Variants in SLC15A5 observed in about 807,000 individuals in gnomAD.
SLC15A5 encodes the protein solute carrier family 15 member 5, also known as Peptide/histidine transporter ENSP00000340402.
A neutral mutation model predicts 56.1 loss-of-function variants in SLC15A5; 58 were observed. The ratio of observed to expected loss-of-function variants is 1.03; its 90% CI spans 0.84 to 1.29. The LOEUF (loss-of-function observed/expected upper bound fraction) is 1.29. Among genes scored for constraint, SLC15A5 ranks in the 50% most tolerant of loss-of-function variants. The probability of loss-of-function intolerance (pLI) is 0.00; values close to 1 mark genes in which losing one functional copy is unlikely to be tolerated. For missense variants in SLC15A5, 681 were observed against 672.1 expected (o/e 1.01, Z -0.15); for synonymous variants, 264 against 250.5 (o/e 1.05, Z -0.51).
At chr12:16,223,093 T>G (rs1215929293) in intron 6 of SLC15A5, among the ~76,000 whole-genome samples, 1 of 152,166 alleles carries the variant, frequency 6.6e-6, no homozygotes, top group African/African-American at 2.4e-5. Flanking sequence ...TTTTCATTAT[T>G]TAATGAATTG....
intron 7 of SLC15A5, among the ~76,000 whole-genome samples, chr12:16,207,802 C>T (rs150401644): frequency 1.5e-4 from 23 of 152,046 alleles, no homozygotes; most frequent in Middle Eastern, 3.4e-3. Flanking sequence ...TACAGGTGCA[C>T]GCCACCACTC....
At chr12:16,194,278 A>G in intron 8 of SLC15A5, 67 bp downstream of exon 8, 1 of 958,130 alleles carries the variant, frequency 1.0e-6, no homozygotes, top group Non-Finnish European at 1.6e-6. Context: ...TCCCTGGCTC[A>G]GTGATGGTTC....
At chr12:16,213,954 A>C (rs1372174196) in intron 7 of SLC15A5, among the ~76,000 whole-genome samples, 1 of 152,174 alleles carries the variant, frequency 6.6e-6, no homozygotes, top group African/African-American at 2.4e-5. Context: ...TTGCAAAAGT[A>C]ACAAATGTCT....
At chr12:16,251,715 G>T (rs1432760349) in intron 3 of SLC15A5, among the ~76,000 whole-genome samples, 1 of 151,870 alleles carries the variant, frequency 6.6e-6, no homozygotes, top group Non-Finnish European at 1.5e-5. Context: ...GGACCAGATG[G>T]ATCCACTGGA....
At chr12:16,239,597 G>T (rs1446132872) in intron 5 of SLC15A5, 84 bp downstream of exon 5, 2 of 1,304,524 alleles carry the variant, frequency 1.5e-6, no homozygotes, top group Non-Finnish European at 2.1e-6. Context: ...CTACTCAGGA[G>T]CATATAGCTA....
chr12:16,248,416 G>T (rs1334804908), intron 3 of SLC15A5, among the ~76,000 whole-genome samples: 1 of 152,084 alleles, frequency 6.6e-6, no homozygotes, highest in African/African-American at 2.4e-5. Flanking sequence ...CAGGAGAAAG[G>T]TTGGTTAAGG....
At position 16,232,542 on chromosome 12, in the gene SLC15A5, T is replaced by G. The variant is rs575815266; in HGVS notation, c.1162+7139A>C. On this transcript the variant is annotated intron_variant, in intron 5 of 8. Transcript: ENST00000344941. ...TTTACCAAAGTACAATAAGATGAAA[T>G]TTTAGAACACCATGGAAAGAGAGAA... Among the ~76,000 whole-genome samples, 11 of 152,158 alleles carry G rather than the reference T, an allele frequency of 7.2e-5. No homozygotes were observed. In the South Asian group the frequency reaches 2.3e-3, roughly 32 times the overall value.
intron 4 of SLC15A5, 49 bp from the exon 5 acceptor site, chr12:16,239,916 T>C: frequency 2.0e-6 from 3 of 1,479,508 alleles, no homozygotes; most frequent in Non-Finnish European, 2.7e-6. Flanking sequence ...GGTTTAACTT[T>C]GAAGAAAGCA....
chr12:16,256,618 G>C (rs1469529466), intron 3 of SLC15A5, among the ~76,000 whole-genome samples: 3 of 152,152 alleles, frequency 2.0e-5, no homozygotes, highest in Non-Finnish European at 4.4e-5. Flanking sequence ...CCAGCACTTT[G>C]GGAGGCTGAG....
At chr12:16,252,682 A>T (rs1589978) in intron 3 of SLC15A5, among the ~76,000 whole-genome samples, 143,225 of 152,162 alleles carry the variant, frequency 0.94, 67,526 homozygotes, top group East Asian at 0.99. Context: ...AGATATCCTG[A>T]GCTTGTGAAT....
Position 16,237,022 on chromosome 12 carries a change from T to C in SLC15A5, c.1162+2659A>G, listed in dbSNP as rs571868241. Among the ~76,000 whole-genome samples, 26 of 152,330 alleles carry C rather than the reference T, an allele frequency of 1.7e-4. No individual in the cohort carries two copies. In the South Asian group the frequency reaches 2.5e-3, roughly 15 times the overall value. On this transcript the variant is annotated intron_variant, in intron 5 of 8. Coordinates refer to ENST00000344941, the MANE Select transcript of SLC15A5 (RefSeq NM_001170798.1). This position sits in a 1 kb window ranked among gnomAD's most constrained non-coding sequence, Gnocchi z 4.1. ...TGGTTTATCATGAGATTAAATGTAA[T>C]ATGTGTATGAAGGTTCCTAAATTCA...
At chr12:16,194,158 T>G (rs1242743715) in intron 8 of SLC15A5, among the ~76,000 whole-genome samples, 187 bp downstream of exon 8, 1 of 152,058 alleles carries the variant, frequency 6.6e-6, no homozygotes, top group Non-Finnish European at 1.5e-5. Flanking sequence ...AGTACTATTT[T>G]ATTATAAGGA....
chr12:16,214,577 G>A (rs946930889), intron 7 of SLC15A5, among the ~76,000 whole-genome samples: 1 of 152,128 alleles, frequency 6.6e-6, no homozygotes, highest in Non-Finnish European at 1.5e-5. Context: ...TGCCTATGTG[G>A]TAAAGTCTCA....
intron 2 of SLC15A5, among the ~76,000 whole-genome samples, chr12:16,258,880 C>G (rs1007445478): frequency 1.3e-5 from 2 of 151,840 alleles, no homozygotes; most frequent in African/African-American, 4.8e-5. Flanking sequence ...TTCCCATATT[C>G]TATTGGTTAG....
intron 7 of SLC15A5, among the ~76,000 whole-genome samples, chr12:16,201,613 T>G (rs1400483626): frequency 1.3e-5 from 2 of 152,014 alleles, no homozygotes; most frequent in Non-Finnish European, 2.9e-5. Flanking sequence ...CTCATGATAG[T>G]GAGTGAGTTA....
chr12:16,211,314 G>A (rs10744104), intron 7 of SLC15A5, among the ~76,000 whole-genome samples: 82,259 of 152,076 alleles, frequency 0.54, 22,565 homozygotes, highest in South Asian at 0.73. Context: ...CGACATAACT[G>A]TCAGTGGCCT....
chr12:16,228,737 T>C (rs1864267452), intron 5 of SLC15A5, among the ~76,000 whole-genome samples: 1 of 152,198 alleles, frequency 6.6e-6, no homozygotes, highest in Admixed American at 6.5e-5. Flanking sequence ...AGAGTAAATA[T>C]ATTTTCTCTT....
In SLC15A5 at chr12:16,240,497, G is replaced by A. The variant is rs149507088; in HGVS notation, c.976-630C>T. Among the ~76,000 whole-genome samples the A allele has an allele frequency of 8.6e-5, 13 of 152,036 alleles. No individual in the cohort carries two copies. In the East Asian group the frequency reaches 2.1e-3, roughly 25 times the overall value. ...TTTGCCCTCCCTTCAAACTAATTAC[G>A]TGATGCTAGAATTCCATAAAGGAAA... On this transcript the variant is annotated intron_variant, in intron 4 of 8. Coordinates refer to ENST00000344941, the MANE Select transcript of SLC15A5 (RefSeq NM_001170798.1).
chr12:16,275,681 C>G (rs1864810360), intron 1 of SLC15A5, among the ~76,000 whole-genome samples: 1 of 151,990 alleles, frequency 6.6e-6, no homozygotes, highest in African/African-American at 2.4e-5. Context: ...AAAGAAATAA[C>G]TTTTAGTAAA....
Sources: allele counts gnomAD v4.1 joint callset (sites outside exome capture counted in the v4.1 genomes callset), GRCh38; gene constraint gnomAD v4.1.1; non-coding constraint Gnocchi (gnomAD v3.1); transcripts MANE v1.5; gene names NCBI Gene and HGNC (gene_info 2026-07-23, HGNC 2026-07-21).